Variants in PFKFB2 observed in about 807,000 individuals in gnomAD.
PFKFB2 encodes the protein 6-phosphofructo-2-kinase/fructose-2,6-bisphosphatase 2.
A neutral mutation model predicts 68.0 loss-of-function variants in PFKFB2; 53 were observed. The ratio of observed to expected loss-of-function variants is 0.78; its 90% confidence interval spans 0.63 to 0.98. The LOEUF (loss-of-function observed/expected upper bound fraction) is 0.98. Among genes scored for constraint, PFKFB2 ranks in the 50% least tolerant of loss-of-function variants. The pLI is 0.00. For missense variants in PFKFB2, 451 were observed against 642.0 expected (o/e 0.70, Z 3.22); for synonymous variants, 222 against 227.6 (o/e 0.98, Z 0.22).
At chr1:207,049,850 C>G, upstream of PFKFB2, 5 of 829,254 alleles carry the variant, frequency 6.0e-6, no homozygotes, top group Admixed American at 3.0e-5. Flanking sequence ...AAGGAGAATA[C>G]AGTTTTGCAA....
intron 9 of PFKFB2, 145 bp from the exon 10 acceptor site, chr1:207,068,018 C>T: frequency 1.4e-6 from 1 of 713,116 alleles, no homozygotes; most frequent in African/African-American, 1.8e-5. Context: ...CTATGTAGCA[C>T]CTTATGGATT....
upstream of PFKFB2, chr1:207,051,105 G>A (rs1442657734): frequency 1.3e-5 from 19 of 1,434,146 alleles, no homozygotes; most frequent in Non-Finnish European, 1.7e-5. Flanking sequence ...TAGCAAGCGC[G>A]AACTCTTTTA....
upstream of PFKFB2, chr1:207,048,486 C>A (rs1483857802): frequency 1.3e-5 from 2 of 153,832 alleles, no homozygotes; most frequent in South Asian, 2.0e-4. Flanking sequence ...AAACTTAACT[C>A]ATTCAGAGTT....
chr1:207,061,590 T>G (rs1683118072), intron 2 of PFKFB2, among the ~76,000 whole-genome samples: 1 of 152,134 alleles, frequency 6.6e-6, no homozygotes, highest in South Asian at 2.1e-4. Flanking sequence ...TGTATAAACC[T>G]TACTAGACCC....
rs1683614164 is a variant in PFKFB2, at chr1:207,076,086, A to G, written c.*3715A>G. 8 of 985,386 alleles carry G rather than the reference A, an allele frequency of 8.1e-6. No homozygotes were observed. Among genetic ancestry groups the G allele is most frequent in the Non-Finnish European group, 9.6e-6 (8 of 829,892 alleles). 61.0% of individuals were successfully genotyped at this position (985,386 alleles called of 1,614,324 possible). On this transcript the variant is annotated 3_prime_UTR_variant, in exon 15 of 15. Transcript: ENST00000367080. ...TTTGTTTCCAAAGAAGTTGGAGTTA[A>G]GGACACAATATATTTGTACCCCTAG...
rs1364638666 is a variant in PFKFB2 at position 207,075,269 on chromosome 1, T to A, written c.*2898T>A. 2.0e-6 allele frequency: 2 copies of A among 985,330 alleles called. No homozygotes were observed. Among genetic ancestry groups the A allele is most frequent in the East Asian group, 2.3e-4 (2 of 8,832 alleles). 61.0% of individuals were successfully genotyped at this position (985,330 alleles called of 1,614,324 possible). ...CTCTCACCTGTGCTAGTTCGCTTTC[T>A]CCAGAAGAGGAGCTGAGGTGGTCTT... On this transcript the variant is annotated 3_prime_UTR_variant, in exon 15 of 15. Coordinates refer to ENST00000367080, the MANE Select transcript of PFKFB2 (RefSeq NM_006212.2).
intron 1 of PFKFB2, among the ~76,000 whole-genome samples, chr1:207,035,603 T>C (rs1335804022): frequency 6.6e-6 from 1 of 151,792 alleles, no homozygotes; most frequent in Non-Finnish European, 1.5e-5. Flanking sequence ...CAGTGAGCCA[T>C]GATTATGACA....
intron 2 of PFKFB2, among the ~76,000 whole-genome samples, chr1:207,042,394 A>G (rs2102317549): frequency 6.6e-6 from 1 of 151,732 alleles, no homozygotes; most frequent in East Asian, 1.9e-4. Context: ...TAAAAATACG[A>G]AAAATTAGCT....
At chr1:207,048,971 C>T, upstream of PFKFB2, 1 of 1,532,610 alleles carries the variant, frequency 6.5e-7, no homozygotes. Flanking sequence ...AAACCCAGAG[C>T]CTTCTGGATG....
In PFKFB2 at chr1:207,039,330, T is replaced by C. The variant is rs1283517281; in HGVS notation, c.-61-2839T>C. Among the ~76,000 whole-genome samples the C allele has an allele frequency of 2.0e-5, 3 of 152,192 alleles. No individual in the cohort carries two copies. In the East Asian group the frequency reaches 5.8e-4, roughly 29 times the overall value. On this transcript the variant is annotated intron_variant, in intron 1 of 5. Coordinates refer to the PFKFB2 transcript ENST00000545806. ...GTCATAGTGGAAGAAAGTTTGGAAT[T>C]CCAGTAACTGTAAAATTTTGTCCAT...
intron 1 of PFKFB2, chr1:207,042,155 CCT>C (rs1682488822): frequency 6.6e-6 from 1 of 152,220 alleles, no homozygotes; most frequent in South Asian, 2.1e-4. Flanking sequence ...TTCTTTTCCC[CCT>C]CATTTCTTCA....
chr1:207,062,561 C>T, intron 3 of PFKFB2, 59 bp from the exon 4 acceptor site: 4 of 1,587,306 alleles, frequency 2.5e-6, no homozygotes, highest in Non-Finnish European at 3.4e-6. Context: ...AGAAACAAGT[C>T]CCATTTGGTG....
upstream of PFKFB2, chr1:207,052,102 C>T (rs1201606239): frequency 7.3e-6 from 9 of 1,224,584 alleles, no homozygotes; most frequent in South Asian, 1.3e-5. Flanking sequence ...GCAAGTCCCA[C>T]TTGCCAAGAG....
chr1:207,063,260 C>G lies in PFKFB2; in HGVS notation c.375+51C>G. The G allele has an allele frequency of 1.3e-6, 2 of 1,590,794 alleles. No individual in the cohort carries two copies. Among genetic ancestry groups the G allele is most frequent in the Non-Finnish European group, 1.7e-6 (2 of 1,158,764 alleles). On this transcript the variant is annotated intron_variant, in intron 5 of 14. Transcript: ENST00000367080. The surrounding 1 kb of genome is among the most constrained non-coding windows in gnomAD (Gnocchi z 4.1). The stretch of plus-strand genomic sequence containing the variant: ...TTCTGGTCCCCACCCTTGCAGCAGC[C>G]TGGCTACCCAGCCCCACCTTGAGTC...
chr1:207,078,688 A>G (rs145041417), downstream of PFKFB2, among the ~76,000 whole-genome samples: 2 of 152,298 alleles, frequency 1.3e-5, no homozygotes, highest in Non-Finnish European at 1.5e-5. Context: ...TATCTTGGGT[A>G]TGTAGCTTAT....
At chr1:207,038,282 C>A (rs1033977742) in intron 1 of PFKFB2, among the ~76,000 whole-genome samples, 5 of 152,190 alleles carry the variant, frequency 3.3e-5, no homozygotes, top group Non-Finnish European at 7.4e-5. Context: ...TAACAAAAGT[C>A]ACAACTAGTT....
At chr1:207,050,786 A>G (rs1682724791), upstream of PFKFB2, 9 of 1,613,234 alleles carry the variant, frequency 5.6e-6, no homozygotes, top group Non-Finnish European at 7.6e-6. Flanking sequence ...GCCGGGGGCG[A>G]TCCCGGTGAT....
chr1:207,077,866 A>G (rs1206760731), downstream of PFKFB2: 7 of 916,928 alleles, frequency 7.6e-6, no homozygotes, highest in East Asian at 1.2e-4. Context: ...TGTGTTTCCC[A>G]TCCCTTCCCC....
rs776748719 is a variant in PFKFB2, at chr1:207,073,888, G to A, written c.*1517G>A. 10 of 984,978 alleles carry A rather than the reference G, an allele frequency of 1.0e-5. No homozygotes were observed. Among genetic ancestry groups the A allele is most frequent in the Non-Finnish European group, 1.2e-5 (10 of 829,626 alleles). The allele number at this position is 984,978 out of a possible 1,614,324, so 61.0% of individuals were successfully genotyped here. ...CATGGGATTTTAAAAAGAGATAGGTGACTCCCCACCTTAAAGTTATCTGCT... is the reference window on the plus strand; with the variant it reads ...CATGGGATTTTAAAAAGAGATAGGTAACTCCCCACCTTAAAGTTATCTGCT... On this transcript the variant is annotated 3_prime_UTR_variant, in exon 15 of 15. Transcript: ENST00000367080.
Sources: gnomAD v4.1 joint callset for allele counts (sites outside exome capture counted in the v4.1 genomes callset) on GRCh38, gnomAD v4.1.1 for gene constraint, Gnocchi (gnomAD v3.1) non-coding constraint, MANE v1.5 for transcripts, NCBI Gene and HGNC (gene_info 2026-07-23, HGNC 2026-07-21) for gene names.